Variants in NLN observed in about 807,000 individuals in gnomAD.
NLN encodes neurolysin, mitochondrial.
A neutral mutation model predicts 79.9 loss-of-function variants in NLN; 64 were observed. The observed-to-expected ratio is 0.80, with a 90% CI of 0.65 to 0.99. The LOEUF (loss-of-function observed/expected upper bound fraction) is 0.99. NLN is among the 50% of genes least tolerant of loss of function. The probability of loss-of-function intolerance (pLI) is 0.00; values close to 1 mark genes in which losing one functional copy is unlikely to be tolerated. For missense variants in NLN, 835 were observed against 858.7 expected (o/e 0.97, Z 0.34); for synonymous variants, 267 against 296.6 (o/e 0.90, Z 1.02).
At chr5:65,729,381 T>C (rs1758553905) in intron 1 of NLN, among the ~76,000 whole-genome samples, 1 of 146,654 alleles carries the variant, frequency 6.8e-6, no homozygotes, top group Non-Finnish European at 1.5e-5. Context: ...TTTTTTTTTT[T>C]TTTTTTTTTT....
chr5:65,724,305 A>AATT (rs1333569293), intron 1 of NLN, among the ~76,000 whole-genome samples: 1 of 152,074 alleles, frequency 6.6e-6, no homozygotes, highest in Non-Finnish European at 1.5e-5. Context: ...TTTCTCTATG[A>AATT]ATTTGAGTAT....
At chr5:65,774,597 C>T (rs1759639091) in intron 3 of NLN, among the ~76,000 whole-genome samples, 1 of 152,016 alleles carries the variant, frequency 6.6e-6, no homozygotes, top group Non-Finnish European at 1.5e-5. Flanking sequence ...CTGGGGATTT[C>T]CCAAGACCTG....
At chr5:65,819,305 T>A (rs970559897) in intron 12 of NLN, among the ~76,000 whole-genome samples, 2 of 152,126 alleles carry the variant, frequency 1.3e-5, no homozygotes. Context: ...TGATTACCAC[T>A]CTATGCCAGA....
chr5:65,786,929 A>G (rs948637994), intron 7 of NLN, among the ~76,000 whole-genome samples: 28 of 152,214 alleles, frequency 1.8e-4, no homozygotes, highest in African/African-American at 6.5e-4. Flanking sequence ...ACTTACTAGA[A>G]ACAACAGAAG....
At chr5:65,748,745 C>A (rs552963272) in intron 1 of NLN, among the ~76,000 whole-genome samples, 48 of 152,096 alleles carry the variant, frequency 3.2e-4, no homozygotes, top group African/African-American at 1.1e-3. Flanking sequence ...AGAACGAGAC[C>A]CTGTCCCAAA....
chr5:65,724,333 A>G (rs1758407753), intron 1 of NLN, among the ~76,000 whole-genome samples: 1 of 152,148 alleles, frequency 6.6e-6, no homozygotes, highest in South Asian at 2.1e-4. Flanking sequence ...CCCTTATATA[A>G]GTGGAATTAG....
At chr5:65,736,807 T>C (rs1163477161) in intron 1 of NLN, among the ~76,000 whole-genome samples, 5 of 152,160 alleles carry the variant, frequency 3.3e-5, no homozygotes, top group African/African-American at 1.2e-4. Context: ...TTTTCCAGTA[T>C]TCAAAAAACA....
At position 65,797,402 on chromosome 5, in the gene NLN, G is replaced by A. The variant is rs1197452998; in HGVS notation, c.1527+4747G>A. On this transcript the variant is annotated intron_variant, in intron 9 of 12. Transcript: ENST00000380985. ...ATTTGGTTAAAAACTAATAAATAAA[G>A]CAGCTTGTCTGCTCTAAATATTTGG... Among the ~76,000 whole-genome samples the A allele has an allele frequency of 2.6e-5, 4 of 152,170 alleles. No homozygotes were observed. The South Asian group carries it at 8.3e-4, about 31-fold the overall frequency.
rs1759442477 is a variant in NLN at position 65,765,981 on chromosome 5, C to T, written c.450+2873C>T. 3.3e-5 allele frequency among the ~76,000 whole-genome samples: 5 copies of T among 152,128 alleles called. No homozygotes were observed. In the South Asian group the frequency reaches 1.0e-3, roughly 31 times the overall value. On this transcript the variant is annotated intron_variant, in intron 3 of 12. Transcript: ENST00000380985. ...CATAATTCTTCATGCAATATGGGCT[C>T]CAGTTATCTATTGATGCATAACATA... is the stretch of plus-strand genomic sequence containing the variant.
chr5:65,751,536 C>A (rs1759102267), intron 1 of NLN, among the ~76,000 whole-genome samples: 1 of 152,036 alleles, frequency 6.6e-6, no homozygotes, highest in Non-Finnish European at 1.5e-5. Flanking sequence ...ATAAAACAAA[C>A]TAATTGAATA....
At chr5:65,762,918 C>T (rs1759368314) in intron 2 of NLN, 42 bp from the exon 3 acceptor site, 2 of 1,593,546 alleles carry the variant, frequency 1.3e-6, no homozygotes, top group Admixed American at 1.8e-5. Context: ...ACTGATTTGA[C>T]AAGTCCTGTT....
At chr5:65,812,546 CATT>C (rs1356249603) in intron 12 of NLN, among the ~76,000 whole-genome samples, 155 bp downstream of exon 12, 1 of 152,154 alleles carries the variant, frequency 6.6e-6, no homozygotes, top group Non-Finnish European at 1.5e-5. Context: ...CATCATACAT[CATT>C]AAGTTGCAGT....
intron 12 of NLN, among the ~76,000 whole-genome samples, chr5:65,815,322 ATTGTC>A (rs1216628310): frequency 6.6e-6 from 1 of 152,156 alleles, no homozygotes; most frequent in Non-Finnish European, 1.5e-5. Flanking sequence ...CAATTCCTGC[ATTGTC>A]TTCTCTATAC....
At chr5:65,816,263 G>T (rs189630803) in intron 12 of NLN, among the ~76,000 whole-genome samples, 1 of 152,124 alleles carries the variant, frequency 6.6e-6, no homozygotes, top group Non-Finnish European at 1.5e-5. Context: ...ATTACCTTTA[G>T]CAAACTAACA....
intron 3 of NLN, among the ~76,000 whole-genome samples, chr5:65,768,569 G>T (rs1052654382): frequency 7.9e-5 from 12 of 152,216 alleles, no homozygotes; most frequent in Non-Finnish European, 1.6e-4. Context: ...GTTAGACTGG[G>T]CTGCCATAAC....
chr5:65,767,164 C>A (rs1759470077), intron 3 of NLN, among the ~76,000 whole-genome samples: 1 of 152,248 alleles, frequency 6.6e-6, no homozygotes, highest in South Asian at 2.1e-4. Flanking sequence ...TTGGGGGCTC[C>A]TGTGCCACAT....
intron 2 of NLN, among the ~76,000 whole-genome samples, chr5:65,760,488 A>G (rs1375291630): frequency 1.3e-5 from 2 of 152,130 alleles, no homozygotes; most frequent in African/African-American, 4.8e-5. Context: ...TTCTTCAGTC[A>G]CTTGTGGCCA....
rs1052643477 is a variant in NLN, at chr5:65,722,237, G to A, written c.-137G>A. 22 of 477,708 alleles carry A rather than the reference G, an allele frequency of 4.6e-5. No homozygotes were observed. The highest frequency in any genetic ancestry group is 6.9e-5 in the Non-Finnish European group (20 of 291,202). The allele number at this position is 477,708 out of a possible 1,614,324, so 29.6% of individuals were successfully genotyped here. ...GGCGTGGAGCTGCCGCACGTGGGAG[G>A]GCGCTGGCCAGGCAGCCACTGTGGC... On this transcript the variant is annotated 5_prime_UTR_variant, in exon 1 of 13. Coordinates refer to ENST00000380985, the MANE Select transcript of NLN (RefSeq NM_020726.5).
chr5:65,767,267 C>T (rs1181270190), intron 3 of NLN, among the ~76,000 whole-genome samples: 3 of 152,212 alleles, frequency 2.0e-5, no homozygotes, highest in Non-Finnish European at 2.9e-5. Context: ...TCCATACATC[C>T]TCTGAAATCT....
Sources: gnomAD v4.1 joint callset for allele counts (sites outside exome capture counted in the v4.1 genomes callset) on GRCh38, gnomAD v4.1.1 for gene constraint, MANE v1.5 for transcripts, NCBI Gene and HGNC (gene_info 2026-07-23, HGNC 2026-07-21) for gene names.